EGFR: variants seen among roughly 807,000 people sequenced by gnomAD.
EGFR encodes avian erythroblastic leukemia viral (v-erb-b) oncogene homolog.
Under a neutral mutation model 143.0 loss-of-function variants are expected in EGFR, and 58 were observed. That is an observed-to-expected ratio of 0.41 (90% confidence interval 0.33 to 0.50). EGFR has a LOEUF of 0.50. Among genes scored for constraint, EGFR ranks in the 20% least tolerant of loss-of-function variants. The pLI, the probability that EGFR is intolerant of heterozygous loss-of-function variation, is 0.39. For synonymous variants in EGFR, 613 were observed against 594.4 expected (o/e 1.03, Z -0.45); for missense variants, 1,307 against 1,579.0 (o/e 0.83, Z 2.92).
intron 1 of EGFR, among the ~76,000 whole-genome samples, chr7:55,076,825 T>G (rs999441863): frequency 1.3e-5 from 2 of 152,120 alleles, no homozygotes; most frequent in African/African-American, 4.8e-5. Flanking sequence ...ACCACCCGCT[T>G]ATCTATTTTC....
chr7:55,024,176 T>C (rs1447085603), intron 1 of EGFR, among the ~76,000 whole-genome samples: 1 of 152,216 alleles, frequency 6.6e-6, no homozygotes, highest in South Asian at 2.1e-4. Flanking sequence ...GCCAGGAATA[T>C]TGGGGGTGTG....
Position 55,143,502 on chromosome 7 carries a change from A to G in EGFR, c.424+14A>G. 6.2e-7 allele frequency: 1 copy of G among 1,614,170 alleles called. No homozygotes were observed. Among genetic ancestry groups the G allele is most frequent in the Non-Finnish European group, 8.5e-7 (1 of 1,180,006 alleles). ...GAAATTTACAGGGTGAGAGGCTGGG[A>G]TGCCAAGGCTGGGGGTTCATAAATG... On this transcript the variant is annotated intron_variant, in intron 3 of 27. Coordinates refer to ENST00000275493, the MANE Select transcript of EGFR (RefSeq NM_005228.5).
intron 1 of EGFR, among the ~76,000 whole-genome samples, chr7:55,078,593 G>T (rs975769086): frequency 1.3e-5 from 2 of 152,328 alleles, no homozygotes; most frequent in East Asian, 3.9e-4. Context: ...ACGTGCACTT[G>T]TCAGGGTGGG....
intron 1 of EGFR, among the ~76,000 whole-genome samples, chr7:55,131,623 C>G (rs557452854): frequency 1.3e-5 from 2 of 152,216 alleles, no homozygotes; most frequent in Non-Finnish European, 2.9e-5. Context: ...GAAGCTGCTT[C>G]TCCCCAAGCT....
In EGFR at chr7:55,207,203, C is replaced by G. The variant is rs1194432164; in HGVS notation, c.*1586C>G. The G allele has an allele frequency of 8.6e-6, 2 of 232,874 alleles. No homozygotes were observed. The highest frequency in any genetic ancestry group is 1.7e-5 in the Non-Finnish European group (2 of 117,924). The allele number at this position is 232,874 out of a possible 1,614,324, so 14.4% of individuals were successfully genotyped here. On this transcript the variant is annotated 3_prime_UTR_variant, in exon 28 of 28. Coordinates refer to ENST00000275493, the MANE Select transcript of EGFR (RefSeq NM_005228.5). ...TTCAGCCTACAGTTATGTTCAGTCACACACACATACAAAATGTTCCTTTTG... is the reference window on the plus strand; with the variant it reads ...TTCAGCCTACAGTTATGTTCAGTCAGACACACATACAAAATGTTCCTTTTG...
intron 1 of EGFR, among the ~76,000 whole-genome samples, chr7:55,135,038 A>G (rs975541864): frequency 1.3e-5 from 2 of 152,210 alleles, no homozygotes; most frequent in African/African-American, 4.8e-5. Flanking sequence ...CACTGGAAGC[A>G]TATTCCACAG....
In EGFR at chr7:55,120,669, G is replaced by A. The variant is rs543284248; in HGVS notation, c.89-21617G>A. On this transcript the variant is annotated intron_variant, in intron 1 of 27. Transcript: ENST00000275493. Reference sequence around the variant, plus strand: ...CACACACAGGGCCTGGCACACATCCGGGGCTCAGTGAGCACTTGCTGAATG... The same window carrying A: ...CACACACAGGGCCTGGCACACATCCAGGGCTCAGTGAGCACTTGCTGAATG... Among the ~76,000 whole-genome samples the A allele has an allele frequency of 5.9e-5, 9 of 152,254 alleles. No homozygotes were observed. The East Asian group carries it at 7.7e-4, about 13-fold the overall frequency.
At chr7:55,064,045 G>T (rs1435634049) in intron 1 of EGFR, among the ~76,000 whole-genome samples, 7 of 152,158 alleles carry the variant, frequency 4.6e-5, no homozygotes, top group African/African-American at 1.7e-4. Flanking sequence ...AGCACGTTAA[G>T]TCTTCCATGG....
chr7:55,139,701 T>A (rs1037492787), intron 1 of EGFR, among the ~76,000 whole-genome samples: 1 of 152,192 alleles, frequency 6.6e-6, no homozygotes, highest in African/African-American at 2.4e-5. Context: ...TTCTTTGCAA[T>A]TTTTTCCATT....
intron 1 of EGFR, among the ~76,000 whole-genome samples, chr7:55,048,074 C>G (rs1348502038): frequency 6.6e-6 from 1 of 151,994 alleles, no homozygotes; most frequent in Non-Finnish European, 1.5e-5. Flanking sequence ...TATTAGTGCA[C>G]TAGTATATGT....
intron 19 of EGFR, among the ~76,000 whole-genome samples, chr7:55,176,866 T>A (rs1786615653): frequency 1.4e-5 from 2 of 146,404 alleles, no homozygotes; most frequent in Non-Finnish European, 3.0e-5. Context: ...ATTTAGAGAT[T>A]TATATATATT....
chr7:55,188,813 T>C (rs2128962589), intron 20 of EGFR: 1 of 152,332 alleles, frequency 6.6e-6, no homozygotes, highest in East Asian at 1.9e-4. Flanking sequence ...GATTCTCTCC[T>C]TGTCCCAAAG....
At position 55,208,420 on chromosome 7, in the gene EGFR, G is replaced by C. The variant is rs1292337381; in HGVS notation, c.*2803G>C. On this transcript the variant is annotated 3_prime_UTR_variant, in exon 28 of 28. Coordinates refer to ENST00000275493, the MANE Select transcript of EGFR (RefSeq NM_005228.5). Reference sequence around the variant, plus strand: ...CTGTCCATTGGCTGTTTCTTCCTCAGTCAGTTCCTGGAAGACCTTACCCCA... The same window carrying C: ...CTGTCCATTGGCTGTTTCTTCCTCACTCAGTTCCTGGAAGACCTTACCCCA... 2 of 152,138 alleles carry C rather than the reference G, an allele frequency of 1.3e-5. No individual in the cohort carries two copies. Among genetic ancestry groups the C allele is most frequent in the East Asian group, 3.8e-4 (2 of 5,196 alleles). The allele number at this position is 152,138 out of a possible 1,614,324, so 9.4% of individuals were successfully genotyped here. A position where few individuals can be genotyped will look rare whatever the true frequency, so the allele number is the denominator to read the frequency against.
chr7:55,113,289 A>G (rs1381494960), intron 1 of EGFR, among the ~76,000 whole-genome samples: 1 of 152,200 alleles, frequency 6.6e-6, no homozygotes, highest in Non-Finnish European at 1.5e-5. Context: ...TGACTGTGTG[A>G]GACTATGTGA....
At chr7:55,192,368 C>T (rs1041145284) in intron 21 of EGFR, among the ~76,000 whole-genome samples, 2 of 152,164 alleles carry the variant, frequency 1.3e-5, no homozygotes, top group Admixed American at 6.5e-5. Flanking sequence ...AAGGGGTGCG[C>T]GTCCCCTGTC....
intron 1 of EGFR, among the ~76,000 whole-genome samples, chr7:55,122,530 C>G (rs773333314): frequency 6.6e-6 from 1 of 152,232 alleles, no homozygotes; most frequent in Non-Finnish European, 1.5e-5. Context: ...TTCTGAGCTC[C>G]GCTCACTTTT....
At chr7:55,032,635 T>G (rs1186830327) in intron 1 of EGFR, among the ~76,000 whole-genome samples, 1 of 152,240 alleles carries the variant, frequency 6.6e-6, no homozygotes, top group Non-Finnish European at 1.5e-5. Context: ...CTTTGCCTGG[T>G]TCTCTGACTG....
rs1788097204 is a variant in EGFR at position 55,206,098 on chromosome 7, A to T, written c.*481A>T. The T allele has an allele frequency of 3.1e-6, 1 of 322,846 alleles. No individual in the cohort carries two copies. Among genetic ancestry groups the T allele is most frequent in the Non-Finnish European group, 5.7e-6 (1 of 174,528 alleles). 20.0% of individuals were successfully genotyped at this position (322,846 alleles called of 1,614,324 possible). On this transcript the variant is annotated 3_prime_UTR_variant, in exon 28 of 28. Transcript: ENST00000275493. Reference sequence around the variant, plus strand: ...AGTCTTCCAGAGGATGCTTGATTCCAGTGGTTCTGCTTCAAGGCTTCCACT... The same window carrying T: ...AGTCTTCCAGAGGATGCTTGATTCCTGTGGTTCTGCTTCAAGGCTTCCACT...
At chr7:55,162,785 G>A (rs1445210317) in intron 13 of EGFR, among the ~76,000 whole-genome samples, 1 of 152,100 alleles carries the variant, frequency 6.6e-6, no homozygotes, top group African/African-American at 2.4e-5. Context: ...AGGATGAAAG[G>A]CACACACTTT....
Sources: allele counts gnomAD v4.1 joint callset (sites outside exome capture counted in the v4.1 genomes callset), GRCh38; gene constraint gnomAD v4.1.1; transcripts MANE v1.5; gene names NCBI Gene and HGNC (gene_info 2026-07-23, HGNC 2026-07-21).